The following FHIT variants were observed in gnomAD, a reference collection of about 807,000 sequenced individuals.
FHIT encodes bis(5'-adenosyl)-triphosphatase.
Under a neutral mutation model 17.9 loss-of-function variants are expected in FHIT, and 19 were observed. The observed-to-expected ratio is 1.06, with a 90% confidence interval of 0.74 to 1.56. The LOEUF (loss-of-function observed/expected upper bound fraction) is 1.56, where lower values mean the gene tolerates loss of function less well. Among genes scored for constraint, FHIT ranks in the 40% most tolerant of loss-of-function variants. The pLI is 0.00. For missense variants in FHIT, 248 were observed against 189.2 expected (o/e 1.31, Z -1.82); for synonymous variants, 81 against 69.7 (o/e 1.16, Z -0.81).
At chr3:60,309,739 G>A (rs1708854984) in intron 5 of FHIT, among the ~76,000 whole-genome samples, 1 of 151,796 alleles carries the variant, frequency 6.6e-6, no homozygotes, top group Admixed American at 6.6e-5. Flanking sequence ...TTCCTTTCCT[G>A]TTTAACTTTT....
chr3:60,652,423 G>A (rs540831450), intron 4 of FHIT, among the ~76,000 whole-genome samples: 4 of 152,266 alleles, frequency 2.6e-5, no homozygotes, highest in Non-Finnish European at 4.4e-5. Flanking sequence ...TCAACACGGT[G>A]AAATCCCATC....
At chr3:60,475,865 G>A (rs1284933003) in intron 5 of FHIT, among the ~76,000 whole-genome samples, 1 of 152,044 alleles carries the variant, frequency 6.6e-6, no homozygotes, top group Non-Finnish European at 1.5e-5. Context: ...GTCTCCAAGG[G>A]GAAAAAGGCC....
intron 4 of FHIT, among the ~76,000 whole-genome samples, chr3:60,715,063 C>G (rs1553706333): frequency 6.6e-6 from 1 of 152,138 alleles, no homozygotes; most frequent in Non-Finnish European, 1.5e-5. Context: ...ACCAAAACAG[C>G]ATGGTACTGG....
chr3:61,165,603 G>C (rs2037813600), intron 2 of FHIT: 1 of 152,308 alleles, frequency 6.6e-6, no homozygotes, highest in Non-Finnish European at 1.5e-5. Flanking sequence ...GGGAGGCTGA[G>C]GTGGACAGAT....
chr3:60,440,017 G>A (rs879670713), intron 5 of FHIT, among the ~76,000 whole-genome samples: 3 of 152,018 alleles, frequency 2.0e-5, no homozygotes, highest in Non-Finnish European at 4.4e-5. Flanking sequence ...CAGCCCCACA[G>A]CTGGTCATCC....
chr3:60,150,152 C>CT (rs1360226102), intron 5 of FHIT, among the ~76,000 whole-genome samples: 1 of 151,682 alleles, frequency 6.6e-6, no homozygotes, highest in Non-Finnish European at 1.5e-5. Flanking sequence ...ATGCGCCCCC[C>CT]ACGCCCGGCT....
intron 3 of FHIT, among the ~76,000 whole-genome samples, chr3:60,958,620 G>A (rs1187579914): frequency 6.6e-6 from 1 of 152,110 alleles, no homozygotes; most frequent in African/African-American, 2.4e-5. Context: ...CCAGGTCTTT[G>A]GTGGCCCTTC....
Position 61,042,917 on chromosome 3 carries a change from C to A in FHIT, c.-163-818G>T, listed in dbSNP as rs141638546. 1.5e-4 allele frequency among the ~76,000 whole-genome samples: 23 copies of A among 152,004 alleles called. No individual in the cohort carries two copies. In the East Asian group the frequency reaches 4.1e-3, roughly 27 times the overall value. On this transcript the variant is annotated intron_variant, in intron 2 of 9. Coordinates refer to ENST00000492590, the MANE Select transcript of FHIT (RefSeq NM_002012.4). ...TCCCACTGGCCTAGGAAGGGAATAT[C>A]TGAGCATCAAAAAGGTTAAGAACAG...
At chr3:61,071,963 G>A (rs2034822761) in intron 2 of FHIT, among the ~76,000 whole-genome samples, 1 of 152,050 alleles carries the variant, frequency 6.6e-6, no homozygotes, top group Admixed American at 6.5e-5. Flanking sequence ...CATTTTCCCT[G>A]GAATATTCTA....
intron 5 of FHIT, among the ~76,000 whole-genome samples, chr3:60,532,485 G>A (rs1433744307): frequency 6.6e-6 from 1 of 152,204 alleles, no homozygotes; most frequent in Non-Finnish European, 1.5e-5. Context: ...TAGCTGGGCT[G>A]CACTGAGACA....
At chr3:60,450,831 A>G (rs2031689477) in intron 5 of FHIT, among the ~76,000 whole-genome samples, 1 of 152,220 alleles carries the variant, frequency 6.6e-6, no homozygotes, top group South Asian at 2.1e-4. Flanking sequence ...CAGTGAAGGT[A>G]TATACCAATT....
intron 4 of FHIT, among the ~76,000 whole-genome samples, chr3:60,590,148 T>G (rs2038037484): frequency 6.6e-6 from 1 of 152,082 alleles, no homozygotes; most frequent in Non-Finnish European, 1.5e-5. Flanking sequence ...ATTAGAAATT[T>G]TTTTAAATAT....
At chr3:60,454,397 T>C (rs1267924323) in intron 5 of FHIT, among the ~76,000 whole-genome samples, 2 of 151,808 alleles carry the variant, frequency 1.3e-5, no homozygotes, top group Non-Finnish European at 2.9e-5. Context: ...TTTTTTTTTT[T>C]TTCTTGAGAC....
At chr3:60,349,960 G>A (rs978516448) in intron 5 of FHIT, among the ~76,000 whole-genome samples, 3 of 152,090 alleles carry the variant, frequency 2.0e-5, no homozygotes, top group Non-Finnish European at 4.4e-5. Context: ...TTGTCTATCT[G>A]GCTGGAACAG....
chr3:60,231,211 ATATG>A (rs1559746967), intron 5 of FHIT, among the ~76,000 whole-genome samples: 2 of 152,172 alleles, frequency 1.3e-5, no homozygotes, highest in African/African-American at 4.8e-5. Flanking sequence ...TTGCAGATAT[ATATG>A]TGTGTATATA....
Position 60,297,122 on chromosome 3 carries a change from T to C in FHIT, c.103+239738A>G, listed in dbSNP as rs143617556. 3.2e-4 allele frequency among the ~76,000 whole-genome samples: 49 copies of C among 152,204 alleles called. 1 individual carries two copies. The highest frequency in any genetic ancestry group is 1.1e-3 in the African/African-American group (46 of 41,554). On this transcript the variant is annotated intron_variant, in intron 5 of 9. Coordinates refer to ENST00000492590, the MANE Select transcript of FHIT (RefSeq NM_002012.4). The stretch of plus-strand genomic sequence containing the variant: ...TTTTTCAAATCTGTTTTAGCTATTC[T>C]AGTTCCTGTGCCTTTACATATGAAT...
At chr3:60,927,095 CCCTGCCTGATTCT>C (rs1707662736) in intron 3 of FHIT, among the ~76,000 whole-genome samples, 1 of 152,194 alleles carries the variant, frequency 6.6e-6, no homozygotes, top group Non-Finnish European at 1.5e-5. Flanking sequence ...ACTGCAACCT[CCCTGCCTGATTCT>C]CCTGCCTCAG....
chr3:60,166,566 G>T (rs555722472), intron 5 of FHIT, among the ~76,000 whole-genome samples: 85 of 152,160 alleles, frequency 5.6e-4, no homozygotes, highest in Non-Finnish European at 1.1e-3. Context: ...CCAGTGGAAA[G>T]ATGAAGGAAT....
At chr3:59,950,451 T>A (rs1433037945) in intron 7 of FHIT, among the ~76,000 whole-genome samples, 1 of 152,164 alleles carries the variant, frequency 6.6e-6, no homozygotes, top group Non-Finnish European at 1.5e-5. Flanking sequence ...CATCAAAGCC[T>A]TTCCATGACC....
Sources: allele counts gnomAD v4.1 joint callset (sites outside exome capture counted in the v4.1 genomes callset), GRCh38; gene constraint gnomAD v4.1.1; transcripts MANE v1.5; gene names NCBI Gene and HGNC (gene_info 2026-07-23, HGNC 2026-07-21).